RAB7A: variants seen among roughly 807,000 people sequenced by gnomAD.
RAB7A encodes the protein RAB7A, member RAS oncogene family.
RAB7A carries 2 observed loss-of-function variants against 24.5 expected under a neutral mutation model. The observed-to-expected ratio is 0.08, with a 90% confidence interval of 0.03 to 0.26. The LOEUF (loss-of-function observed/expected upper bound fraction) is 0.26, where lower values mean the gene tolerates loss of function less well. Ranked by LOEUF, RAB7A falls within the 10% of genes least tolerant of loss-of-function variation. RAB7A has a pLI of 1.00. For synonymous variants in RAB7A, 100 were observed against 95.9 expected (o/e 1.04, Z -0.25); for missense variants, 118 against 255.7 (o/e 0.46, Z 3.67).
rs1487089266 is a variant in RAB7A at position 128,726,277 on chromosome 3, C to T, written c.-91C>T. 2.0e-5 allele frequency: 3 copies of T among 152,858 alleles called. No homozygotes were observed. Among genetic ancestry groups the T allele is most frequent in the East Asian group, 1.9e-4 (1 of 5,166 alleles). The allele number at this position is 152,858 out of a possible 1,614,324, so 9.5% of individuals were successfully genotyped here. ...CCTGGAACCAGAACTTGGACCTTCTCGCTTCTGTCCTCCGTTTAGTCTCCT... is the reference window on the plus strand; with the variant it reads ...CCTGGAACCAGAACTTGGACCTTCTTGCTTCTGTCCTCCGTTTAGTCTCCT... On this transcript the variant is annotated 5_prime_UTR_variant, in exon 1 of 6. Transcript: ENST00000265062.
At chr3:128,758,798 T>TA (rs1559784947) in intron 1 of RAB7A, among the ~76,000 whole-genome samples, 3 of 152,182 alleles carry the variant, frequency 2.0e-5, no homozygotes, top group African/African-American at 7.2e-5. Context: ...ACATGATCCT[T>TA]TGGTAGCATT....
intron 5 of RAB7A, among the ~76,000 whole-genome samples, chr3:128,812,271 T>A (rs1376652907): frequency 6.6e-6 from 1 of 152,208 alleles, no homozygotes; most frequent in Non-Finnish European, 1.5e-5. Context: ...CTTGTCACCA[T>A]GCCTGGCTAA....
chr3:128,763,990 A>G (rs754477500), intron 1 of RAB7A, among the ~76,000 whole-genome samples: 16 of 151,692 alleles, frequency 1.1e-4, no homozygotes, highest in Non-Finnish European at 1.6e-4. Flanking sequence ...CTCATCTTTA[A>G]TGAAATTGTT....
intron 3 of RAB7A, among the ~76,000 whole-genome samples, chr3:128,802,800 C>T (rs1933728053): frequency 6.7e-6 from 1 of 148,388 alleles, no homozygotes; most frequent in Non-Finnish European, 1.5e-5. Flanking sequence ...AGCTACCACA[C>T]CCAGCCTATT....
chr3:128,783,094 C>T (rs1238796005), intron 1 of RAB7A, among the ~76,000 whole-genome samples: 1 of 152,130 alleles, frequency 6.6e-6, no homozygotes, highest in South Asian at 2.1e-4. Flanking sequence ...GGCCTCTGGG[C>T]ATGTCCACTG....
At chr3:128,760,162 C>G (rs1267145691) in intron 1 of RAB7A, among the ~76,000 whole-genome samples, 5 of 152,120 alleles carry the variant, frequency 3.3e-5, no homozygotes, top group African/African-American at 1.2e-4. Context: ...TGAGCTTCAT[C>G]CACGGGAGGC....
rs183164091 is a variant in RAB7A at position 128,782,367 on chromosome 3, C to T, written c.-8-12993C>T. 5.5e-3 allele frequency among the ~76,000 whole-genome samples: 831 copies of T among 152,244 alleles called. 3 individuals carry two copies. Among genetic ancestry groups the T allele is most frequent in the Non-Finnish European group, 9.4e-3 (640 of 68,018 alleles). On this transcript the variant is annotated intron_variant, in intron 1 of 5. Coordinates refer to ENST00000265062, the MANE Select transcript of RAB7A (RefSeq NM_004637.6). ...GAACCGTTCTCCCTCATGGTCCATC[C>T]AGGCTGATGCCCGCATGGGTGGAGA...
chr3:128,739,542 GT>G (rs1241487255), intron 1 of RAB7A, among the ~76,000 whole-genome samples: 3 of 151,262 alleles, frequency 2.0e-5, no homozygotes, highest in Non-Finnish European at 4.4e-5. Context: ...AAAGTGAACA[GT>G]TTTTTTCTGT....
chr3:128,805,860 C>A (rs1933791927), intron 3 of RAB7A, among the ~76,000 whole-genome samples: 1 of 152,170 alleles, frequency 6.6e-6, no homozygotes, highest in Non-Finnish European at 1.5e-5. Context: ...CCATGTTGGT[C>A]AGGCTGGTCT....
At chr3:128,808,528 AACAAC>A (rs1933852129) in intron 5 of RAB7A, among the ~76,000 whole-genome samples, 1 of 152,202 alleles carries the variant, frequency 6.6e-6, no homozygotes, top group Non-Finnish European at 1.5e-5. Context: ...CAGTTAAGTA[AACAAC>A]ACAAAGAAGG....
Position 128,768,221 on chromosome 3 carries a change from C to T in RAB7A, c.-8-27139C>T, listed in dbSNP as rs990546032. Among the ~76,000 whole-genome samples, 4 of 152,122 alleles carry T rather than the reference C, an allele frequency of 2.6e-5. No individual in the cohort carries two copies. In the East Asian group the frequency reaches 5.8e-4, roughly 22 times the overall value. On this transcript the variant is annotated intron_variant, in intron 1 of 5. Coordinates refer to ENST00000265062, the MANE Select transcript of RAB7A (RefSeq NM_004637.6). Reference sequence around the variant, plus strand: ...TTGGGGGGGAGTATCTGGCCTCATTCGACATTATTATTTTATTTGTGCTGT... The same window carrying T: ...TTGGGGGGGAGTATCTGGCCTCATTTGACATTATTATTTTATTTGTGCTGT...
intron 1 of RAB7A, among the ~76,000 whole-genome samples, chr3:128,779,038 T>C (rs1475538908): frequency 6.6e-6 from 1 of 152,170 alleles, no homozygotes; most frequent in Non-Finnish European, 1.5e-5. Context: ...TTGAAAGTGT[T>C]TGGGCAGAAA....
intron 3 of RAB7A, among the ~76,000 whole-genome samples, chr3:128,800,435 G>T (rs868643518): frequency 5.3e-5 from 8 of 152,286 alleles, no homozygotes; most frequent in Non-Finnish European, 8.8e-5. Context: ...GTCGGGGGTT[G>T]TCATAACAGT....
intron 4 of RAB7A, among the ~76,000 whole-genome samples, chr3:128,807,008 T>C (rs1286578759): frequency 2.0e-5 from 3 of 152,266 alleles, no homozygotes; most frequent in Non-Finnish European, 4.4e-5. Flanking sequence ...ACATAGACTC[T>C]TTGATTAATT....
At chr3:128,763,208 A>ATATATATTTTTTT (rs373993932) in intron 1 of RAB7A, among the ~76,000 whole-genome samples, 8 of 76,060 alleles carry the variant, frequency 1.1e-4, no homozygotes, top group African/African-American at 4.1e-4. Flanking sequence ...ATATATATAT[A>ATATATATTTTTTT]TTTTTTTTTT....
chr3:128,795,751 C>CTTTTTTGTTTTTTTTTTTTT (rs1933555587), intron 2 of RAB7A, among the ~76,000 whole-genome samples: 1 of 43,032 alleles, frequency 2.3e-5, no homozygotes, highest in Non-Finnish European at 4.7e-5. Flanking sequence ...AGCAGATGTG[C>CTTTTTTGTTTTTTTTTTTTT]TTTTTTTTTT....
intron 1 of RAB7A, among the ~76,000 whole-genome samples, chr3:128,753,868 GGCTC>G (rs2070708226): frequency 6.6e-6 from 1 of 152,004 alleles, no homozygotes; most frequent in African/African-American, 2.4e-5. Flanking sequence ...CAAATTCCTA[GGCTC>G]AAGTGATCCT....
At chr3:128,758,052 T>A (rs2070744516) in intron 1 of RAB7A, among the ~76,000 whole-genome samples, 1 of 151,992 alleles carries the variant, frequency 6.6e-6, no homozygotes, top group South Asian at 2.1e-4. Context: ...AACTTCAAAG[T>A]TCTGGGCTCA....
intron 3 of RAB7A, among the ~76,000 whole-genome samples, chr3:128,800,520 C>T (rs191889053): frequency 3.9e-5 from 6 of 152,192 alleles, no homozygotes; most frequent in Admixed American, 2.6e-4. Flanking sequence ...ATCCACAGCG[C>T]ACTGTGGGCT....
Sources: allele counts gnomAD v4.1 joint callset (sites outside exome capture counted in the v4.1 genomes callset), GRCh38; gene constraint gnomAD v4.1.1; transcripts MANE v1.5; gene names NCBI Gene and HGNC (gene_info 2026-07-23, HGNC 2026-07-21).